DOK6: variants seen among roughly 807,000 people sequenced by gnomAD.
The protein encoded by DOK6 is docking protein 6.
Under a neutral mutation model 44.0 loss-of-function variants are expected in DOK6, and 22 were observed. The ratio of observed to expected loss-of-function variants is 0.50; its 90% confidence interval spans 0.36 to 0.71. The LOEUF (loss-of-function observed/expected upper bound fraction) is 0.71, where lower values mean the gene tolerates loss of function less well. Among genes scored for constraint, DOK6 ranks in the 30% least tolerant of loss-of-function variants. DOK6 has a pLI of 0.00. For missense variants in DOK6, 340 were observed against 416.4 expected (o/e 0.82, Z 1.60); for synonymous variants, 166 against 145.5 (o/e 1.14, Z -1.01).
chr18:69,457,041 A>AT lies in DOK6; in HGVS notation c.66+55732dup, dbSNP rs541641760. Among the ~76,000 whole-genome samples the AT allele has an allele frequency of 1.1e-3, 168 of 152,260 alleles. 1 individual carries two copies. The highest frequency in any genetic ancestry group is 2.4e-3 in the Admixed American group (36 of 15,284). ...TGTTTAAGTTCCTTACAGATTCTGG[A>AT]TATTAGACCTTTGTTGGATGCATAG... On this transcript the variant is annotated intron_variant, in intron 1 of 7. Transcript: ENST00000382713.
chr18:69,636,280 C>T (rs186632018), intron 3 of DOK6, among the ~76,000 whole-genome samples: 8 of 152,226 alleles, frequency 5.3e-5, no homozygotes, highest in Admixed American at 2.6e-4. Context: ...TAGCAGCAGT[C>T]CACTTTATAA....
At chr18:69,512,832 G>T (rs1160380237) in intron 1 of DOK6, among the ~76,000 whole-genome samples, 1 of 152,064 alleles carries the variant, frequency 6.6e-6, no homozygotes, top group Non-Finnish European at 1.5e-5. Flanking sequence ...TGCTTTCTAC[G>T]ATTATTCTCC....
chr18:69,757,118 C>G (rs1048970989), intron 6 of DOK6, among the ~76,000 whole-genome samples: 15 of 152,054 alleles, frequency 9.9e-5, no homozygotes, highest in Non-Finnish European at 1.5e-4. Flanking sequence ...ATGTATGTTT[C>G]GAATAAACAA....
chr18:69,539,422 G>A (rs1311366201), intron 1 of DOK6, among the ~76,000 whole-genome samples: 4 of 149,404 alleles, frequency 2.7e-5, no homozygotes, highest in Non-Finnish European at 4.4e-5. Context: ...ATAAAAAAAA[G>A]TGACCATACA....
At chr18:69,416,793 T>C (rs1282151484) in intron 1 of DOK6, among the ~76,000 whole-genome samples, 4 of 152,214 alleles carry the variant, frequency 2.6e-5, no homozygotes, top group Middle Eastern at 3.2e-3. Context: ...TGCATTTATA[T>C]AGACTATGTT....
intron 2 of DOK6, among the ~76,000 whole-genome samples, chr18:69,586,326 G>C (rs1983499619): frequency 6.6e-6 from 1 of 152,130 alleles, no homozygotes; most frequent in Non-Finnish European, 1.5e-5. Flanking sequence ...GTGACCCGGA[G>C]ACTCCTCATA....
At chr18:69,659,836 AACATATATGTATGTTATATATATATATAT>A in intron 3 of DOK6, 1 of 48,996 alleles carries the variant, frequency 2.0e-5, no homozygotes, top group Non-Finnish European at 4.2e-5. Flanking sequence ...ATATATATAT[AACATATATGTATGTTATATATATATATAT>A]AAAACATATA....
At chr18:69,726,659 A>ATG (rs762694530) in intron 5 of DOK6, among the ~76,000 whole-genome samples, 95 of 151,538 alleles carry the variant, frequency 6.3e-4, no homozygotes, top group African/African-American at 1.6e-3. Flanking sequence ...ATGTATGTAT[A>ATG]TGTGTGTGTG....
At chr18:69,404,346 A>C (rs1916157662) in intron 1 of DOK6, among the ~76,000 whole-genome samples, 1 of 152,194 alleles carries the variant, frequency 6.6e-6, no homozygotes, top group African/African-American at 2.4e-5. Context: ...TCCCTTACCC[A>C]CTGCTTGGGA....
intron 2 of DOK6, among the ~76,000 whole-genome samples, chr18:69,594,361 T>C (rs904494170): frequency 7.2e-5 from 11 of 151,978 alleles, no homozygotes; most frequent in Admixed American, 4.6e-4. Context: ...TAAGCAAACC[T>C]CTTTAAGTAT....
intron 1 of DOK6, among the ~76,000 whole-genome samples, chr18:69,436,277 T>A (rs1271739268): frequency 6.6e-6 from 1 of 151,802 alleles, no homozygotes; most frequent in Non-Finnish European, 1.5e-5. Flanking sequence ...CATCAACCCA[T>A]CATCTACATT....
At chr18:69,529,721 C>T (rs17187386) in intron 1 of DOK6, among the ~76,000 whole-genome samples, 18,259 of 152,214 alleles carry the variant, frequency 0.12, 1,473 homozygotes, top group South Asian at 0.27. Flanking sequence ...CACAGCCATC[C>T]TTTAAAGTTA....
intron 1 of DOK6, among the ~76,000 whole-genome samples, chr18:69,514,235 TA>T (rs1203144412): frequency 7.0e-6 from 1 of 143,716 alleles, no homozygotes; most frequent in East Asian, 2.0e-4. Flanking sequence ...AAATATAAGA[TA>T]AAAATGTAAA....
intron 3 of DOK6, among the ~76,000 whole-genome samples, chr18:69,634,414 G>T (rs1040641441): frequency 6.6e-6 from 1 of 152,124 alleles, no homozygotes. Context: ...AAAAAAATAA[G>T]AGTTGTCAAG....
intron 3 of DOK6, among the ~76,000 whole-genome samples, chr18:69,650,285 T>C (rs1458754101): frequency 1.3e-5 from 2 of 152,152 alleles, no homozygotes; most frequent in East Asian, 1.9e-4. Flanking sequence ...CTTTATAAAG[T>C]AATCTTAAGT....
chr18:69,417,794 A>G (rs1412145852), intron 1 of DOK6, among the ~76,000 whole-genome samples: 1 of 152,070 alleles, frequency 6.6e-6, no homozygotes, highest in Non-Finnish European at 1.5e-5. Flanking sequence ...TTCTATTTGC[A>G]TTTCCCAAAT....
At chr18:69,788,196 C>T (rs893545504) in intron 7 of DOK6, among the ~76,000 whole-genome samples, 2 of 152,188 alleles carry the variant, frequency 1.3e-5, no homozygotes, top group African/African-American at 4.8e-5. Context: ...ATCTAGGTCT[C>T]TTCTGGATTA....
At chr18:69,605,303 G>A (rs1240928595) in intron 3 of DOK6, among the ~76,000 whole-genome samples, 1 of 152,064 alleles carries the variant, frequency 6.6e-6, no homozygotes, top group Non-Finnish European at 1.5e-5. Context: ...TGTCCTCCCT[G>A]CAGCCCCATG....
chr18:69,648,904 A>C (rs1325700663), intron 3 of DOK6, among the ~76,000 whole-genome samples: 1 of 152,244 alleles, frequency 6.6e-6, no homozygotes, highest in Non-Finnish European at 1.5e-5. Context: ...AAACATCTAT[A>C]AATTAAGAGC....
Sources: gnomAD v4.1 joint callset for allele counts (sites outside exome capture counted in the v4.1 genomes callset) on GRCh38, gnomAD v4.1.1 for gene constraint, MANE v1.5 for transcripts, NCBI Gene and HGNC (gene_info 2026-07-23, HGNC 2026-07-21) for gene names.